The following TNNI3K variants were observed in gnomAD, a reference collection of about 807,000 sequenced individuals.
TNNI3K encodes the protein TNNI3 interacting kinase.
TNNI3K carries 140 observed loss-of-function variants against 114.5 expected under a neutral mutation model. The observed-to-expected ratio is 1.22, with a 90% CI of 1.07 to 1.41. TNNI3K has a LOEUF of 1.41. TNNI3K is among the 40% of genes most tolerant of loss of function. The pLI is 0.00. For missense variants in TNNI3K, 1,125 were observed against 1,007.6 expected (o/e 1.12, Z -1.58); for synonymous variants, 347 against 347.5 (o/e 1.00, Z 0.02).
chr1:74,453,046 C>G (rs1000121892), intron 20 of TNNI3K, among the ~76,000 whole-genome samples: 6 of 152,134 alleles, frequency 3.9e-5, no homozygotes, highest in Non-Finnish European at 5.9e-5. Context: ...TACCATTTAT[C>G]ATTGCATTTA....
chr1:74,501,474 G>GTGTGTGTT (rs138060844), intron 23 of TNNI3K, among the ~76,000 whole-genome samples: 27 of 149,942 alleles, frequency 1.8e-4, no homozygotes, highest in African/African-American at 5.4e-4. Flanking sequence ...TTTTTGTTTT[G>GTGTGTGTT]TGTTTGTTTG....
rs1656360209 is a variant in TNNI3K, at chr1:74,271,685, G to T, written c.421G>T (p.Ala141Ser). Residue 141 changes from alanine (A) to serine (S), a missense_variant, in exon 5 of 25, where the codon GCT becomes TCT. Physicochemically the swap from Ala to Ser is moderately conservative, Grantham distance 99. Transcript: ENST00000326637. ...GYGGLTALHIATIAGHLEAAD... is the reference protein window; with the variant it reads ...GYGGLTALHISTIAGHLEAAD... ...CGGTGGCCTCACTGCCCTCCATATT[G>T]CTACAATAGCTGGCCACCTAGAGGT... The T allele has an allele frequency of 1.1e-5, 18 of 1,607,520 alleles. No individual in the cohort carries two copies. The highest frequency in any genetic ancestry group is 1.5e-5 in the Non-Finnish European group (18 of 1,176,368).
At chr1:74,472,192 C>T in intron 21 of TNNI3K, 1 of 716,738 alleles carries the variant, frequency 1.4e-6, no homozygotes, top group Non-Finnish European at 2.6e-6. Context: ...AAATATGTCA[C>T]TGCTGATATC....
intron 5 of TNNI3K, among the ~76,000 whole-genome samples, chr1:74,274,306 AG>A (rs1557466862): frequency 6.6e-6 from 1 of 151,934 alleles, no homozygotes; most frequent in East Asian, 1.9e-4. Flanking sequence ...GAGGAAGAGG[AG>A]GGGTAGGTTT....
intron 5 of TNNI3K, among the ~76,000 whole-genome samples, chr1:74,272,445 A>G (rs1656410064): frequency 6.6e-6 from 1 of 151,964 alleles, no homozygotes; most frequent in Admixed American, 6.6e-5. Context: ...AGGAAAAGAG[A>G]TTTAAATATA....
At chr1:74,441,342 T>C (rs189321266) in intron 20 of TNNI3K, among the ~76,000 whole-genome samples, 35 of 152,288 alleles carry the variant, frequency 2.3e-4, no homozygotes, top group African/African-American at 8.4e-4. Context: ...TCATGTTGCT[T>C]CATTTATCAG....
intron 5 of TNNI3K, among the ~76,000 whole-genome samples, chr1:74,322,005 A>G (rs45484194): frequency 0.015 from 2,285 of 152,272 alleles, 49 homozygotes; most frequent in African/African-American, 0.05. Context: ...AGAAAAGCCT[A>G]TAGAAATTAG....
chr1:74,407,988 AC>A (rs1482018263), intron 17 of TNNI3K, among the ~76,000 whole-genome samples: 1 of 152,192 alleles, frequency 6.6e-6, no homozygotes, highest in African/African-American at 2.4e-5. Flanking sequence ...CATGAATTTG[AC>A]CTACTATTGT....
intron 17 of TNNI3K, among the ~76,000 whole-genome samples, chr1:74,422,702 A>G (rs1382410937): frequency 6.6e-6 from 1 of 152,090 alleles, no homozygotes; most frequent in Non-Finnish European, 1.5e-5. Context: ...GGTAATCTTT[A>G]TAAGATTCTT....
Position 74,541,410 on chromosome 1 carries a change from A to G in TNNI3K, c.2431+1097A>G, listed in dbSNP as rs556414302. Reference sequence around the variant, plus strand: ...TCTAGAATGCAGATGAGTGCTTTTTATCATCAGTTTTACAACATAATTGGC... The same window carrying G: ...TCTAGAATGCAGATGAGTGCTTTTTGTCATCAGTTTTACAACATAATTGGC... On this transcript the variant is annotated intron_variant, in intron 24 of 24. Coordinates refer to ENST00000326637, the MANE Select transcript of TNNI3K (RefSeq NM_015978.3). 5.3e-5 allele frequency: 8 copies of G among 152,330 alleles called. No individual in the cohort carries two copies. The East Asian group carries it at 1.2e-3, about 22-fold the overall frequency. The allele number at this position is 152,330 out of a possible 1,614,324, so 9.4% of individuals were successfully genotyped here. A position where few individuals can be genotyped will look rare whatever the true frequency, so the allele number is the denominator to read the frequency against.
intron 17 of TNNI3K, among the ~76,000 whole-genome samples, chr1:74,396,867 G>C (rs1190012752): frequency 6.6e-6 from 1 of 152,158 alleles, no homozygotes; most frequent in East Asian, 1.9e-4. Context: ...GACCCAGTAG[G>C]GCAAGGCCTC....
At chr1:74,426,111 C>T (rs1164866083) in intron 17 of TNNI3K, among the ~76,000 whole-genome samples, 4 of 152,084 alleles carry the variant, frequency 2.6e-5, no homozygotes, top group African/African-American at 9.7e-5. Context: ...GAGACATGGG[C>T]ATTTAGTTTC....
At chr1:74,251,434 G>A (rs767271510) in intron 4 of TNNI3K, among the ~76,000 whole-genome samples, 23 of 151,898 alleles carry the variant, frequency 1.5e-4, no homozygotes, top group Non-Finnish European at 3.2e-4. Flanking sequence ...TTTATTATGA[G>A]CTAAATATCA....
chr1:74,439,389 C>T (rs1004446513), intron 19 of TNNI3K, 101 bp from the exon 20 acceptor site: 5 of 1,509,958 alleles, frequency 3.3e-6, no homozygotes, highest in Middle Eastern at 4.0e-4. Flanking sequence ...CTTTTGAGAG[C>T]ATCGGGAGAA....
chr1:74,497,063 G>A (rs370828360), intron 23 of TNNI3K, among the ~76,000 whole-genome samples: 1 of 152,102 alleles, frequency 6.6e-6, no homozygotes, highest in African/African-American at 2.4e-5. Flanking sequence ...TCCATCAAAG[G>A]TTTCTTTAAA....
At chr1:74,244,518 G>A (rs1422469450) in intron 2 of TNNI3K, among the ~76,000 whole-genome samples, 4 of 151,550 alleles carry the variant, frequency 2.6e-5, no homozygotes, top group African/African-American at 9.7e-5. Context: ...TAAAAATAAA[G>A]CAATGGACCC....
chr1:74,507,149 ATCCAAGTTCTTTAAATATAGG>A (rs1669945589), intron 23 of TNNI3K, among the ~76,000 whole-genome samples: 1 of 152,050 alleles, frequency 6.6e-6, no homozygotes, highest in South Asian at 2.1e-4. Context: ...GGCAAGCACA[ATCCAAGTTCTTTAAATATAGG>A]TCCAGGAAAA....
chr1:74,325,143 G>A (rs141020613), intron 5 of TNNI3K, among the ~76,000 whole-genome samples: 1 of 152,118 alleles, frequency 6.6e-6, no homozygotes, highest in African/African-American at 2.4e-5. Flanking sequence ...TTGATCATCC[G>A]CATGCATGAG....
chr1:74,319,236 T>C (rs1222028173), intron 5 of TNNI3K, among the ~76,000 whole-genome samples: 1 of 152,192 alleles, frequency 6.6e-6, no homozygotes, highest in Admixed American at 6.5e-5. Context: ...TCCAGAGGCA[T>C]CAAAGTTACC....
Sources: gnomAD v4.1 joint callset for allele counts (sites outside exome capture counted in the v4.1 genomes callset) on GRCh38, gnomAD v4.1.1 for gene constraint, MANE v1.5 for transcripts, NCBI Gene and HGNC (gene_info 2026-07-23, HGNC 2026-07-21) for gene names.